The following YTHDF3 variants were observed in gnomAD, a reference collection of about 807,000 sequenced individuals.
YTHDF3 encodes YTH domain-containing family protein 3.
A neutral mutation model predicts 52.5 loss-of-function variants in YTHDF3; 9 were observed. The ratio of observed to expected loss-of-function variants is 0.17; its 90% CI spans 0.10 to 0.30. The LOEUF (loss-of-function observed/expected upper bound fraction) is 0.30. YTHDF3 is among the 10% of genes least tolerant of loss of function. The pLI is 1.00. For missense variants in YTHDF3, 534 were observed against 715.0 expected (o/e 0.75, Z 2.89); for synonymous variants, 274 against 243.3 (o/e 1.13, Z -1.18).
intron 3 of YTHDF3, among the ~76,000 whole-genome samples, chr8:63,184,981 C>T (rs1381539375): frequency 6.6e-6 from 1 of 152,020 alleles, no homozygotes; most frequent in African/African-American, 2.4e-5. Flanking sequence ...ATTAGCTGGG[C>T]ATGGTGGCGG....
At chr8:63,172,838 A>C in intron 2 of YTHDF3, 3 of 1,226,602 alleles carry the variant, frequency 2.4e-6, no homozygotes, top group Non-Finnish European at 3.1e-6. Flanking sequence ...GAAATTTTAC[A>C]GACTATGGAA....
In YTHDF3 at chr8:63,169,006, ACGGTGCCC is replaced by A. The variant is rs1362447523; in HGVS notation, c.24+109_24+116del. ...CGTCGCCGCCGCTGCCGGCCCCATA[ACGGTGCCC>A]CGGGCGCAAGTTGCTGCGGTGTAGC... On this transcript the variant is annotated intron_variant, in intron 1 of 4. Coordinates refer to ENST00000539294, the MANE Select transcript of YTHDF3 (RefSeq NM_152758.6). The A allele has an allele frequency of 2.7e-6, 4 of 1,478,474 alleles. No individual in the cohort carries two copies. In the African/African-American group the frequency reaches 6.0e-5, roughly 22 times the overall value. The allele number at this position is 1,478,474 out of a possible 1,614,324, so 91.6% of individuals were successfully genotyped here.
intron 4 of YTHDF3, among the ~76,000 whole-genome samples, chr8:63,196,010 C>T (rs891650351): frequency 6.6e-6 from 1 of 152,006 alleles, no homozygotes; most frequent in Non-Finnish European, 1.5e-5. Flanking sequence ...CCATGTCGCC[C>T]AGGTTGGTTT....
In YTHDF3 at chr8:63,186,901, C is replaced by T; in HGVS notation, c.890C>T (p.Pro297Leu). The change falls in exon 4 of 5, where the codon CCT becomes CTT. Residue 297 changes from proline to leucine, a missense_variant. By Grantham distance (98) the Pro-to-Leu change is moderately conservative (BLOSUM62 -3). Around this residue, in one of 3 missense-constraint regions of YTHDF3, gnomAD observed 203 missense variants for 201.3 expected, o/e 1.01. Transcript: ENST00000539294. ...CCACCAACCCAACCAGTTCTGCCTC[C>T]TCAAACTATAATCCAGCAGCCTCAG... ...KAPPTQPVLP[P>L]QTIIQQPQPL... 1 of 1,614,024 alleles carries T rather than the reference C, an allele frequency of 6.2e-7. No individual in the cohort carries two copies. The highest frequency in any genetic ancestry group is 8.5e-7 in the Non-Finnish European group (1 of 1,179,904).
chr8:63,169,042 C>G, intron 1 of YTHDF3, 141 bp downstream of exon 1: 1 of 1,438,226 alleles, frequency 7.0e-7, no homozygotes, highest in Non-Finnish European at 9.1e-7. Flanking sequence ...GGTGTAGCTA[C>G]CCGGGCCGGG....
At chr8:63,188,852 T>A (rs992470954) in intron 4 of YTHDF3, 11 of 151,308 alleles carry the variant, frequency 7.3e-5, no homozygotes, top group Admixed American at 6.6e-4. Flanking sequence ...TAGCTGGGAT[T>A]ACAGGCACAC....
At chr8:63,181,226 C>T (rs1349274988) in intron 3 of YTHDF3, among the ~76,000 whole-genome samples, 3 of 152,120 alleles carry the variant, frequency 2.0e-5, no homozygotes, top group Non-Finnish European at 4.4e-5. Context: ...ATTTTCTGCC[C>T]TTGTCATCAC....
rs561259515 is a variant in YTHDF3 at position 63,168,860 on chromosome 8, C to T, written c.-18C>T. 4 of 1,554,404 alleles carry T rather than the reference C, an allele frequency of 2.6e-6. No homozygotes were observed. Among genetic ancestry groups the T allele is most frequent in the African/African-American group, 2.7e-5 (2 of 73,250 alleles). On this transcript the variant is annotated 5_prime_UTR_variant, in exon 1 of 5. Coordinates refer to ENST00000539294, the MANE Select transcript of YTHDF3 (RefSeq NM_152758.6). ...CCAGGCAGCGGCGGCGGCGGCGGCT[C>T]TCGGGTTGCGGTGAAGAATGTCAGC... is the stretch of plus-strand genomic sequence containing the variant.
chr8:63,204,463 G>A (rs757975980), intron 4 of YTHDF3, among the ~76,000 whole-genome samples: 13 of 150,660 alleles, frequency 8.6e-5, no homozygotes, highest in Non-Finnish European at 1.8e-4. Context: ...ATGGGTTCAA[G>A]CGATTTTCCT....
chr8:63,199,840 G>A (rs1809484540), intron 4 of YTHDF3, among the ~76,000 whole-genome samples: 1 of 152,088 alleles, frequency 6.6e-6, no homozygotes, highest in Non-Finnish European at 1.5e-5. Context: ...TACTGTTGAA[G>A]TTAGGGAAAG....
intron 4 of YTHDF3, among the ~76,000 whole-genome samples, chr8:63,203,958 G>A (rs1438614167): frequency 2.6e-5 from 4 of 152,252 alleles, no homozygotes; most frequent in African/African-American, 7.2e-5. Flanking sequence ...TTAAAGTGGT[G>A]TCTGCTAGGT....
At position 63,168,841 on chromosome 8, in the gene YTHDF3, A is replaced by G. The variant is rs1201113189; in HGVS notation, c.-37A>G. 18 of 1,552,938 alleles carry G rather than the reference A, an allele frequency of 1.2e-5. No homozygotes were observed. Among genetic ancestry groups the G allele is most frequent in the Admixed American group, 1.9e-5 (1 of 51,462 alleles). On this transcript the variant is annotated 5_prime_UTR_variant, in exon 1 of 5. Coordinates refer to ENST00000539294, the MANE Select transcript of YTHDF3 (RefSeq NM_152758.6). ...TGAGTGCACGGGGAGAGGCCCAGGCAGCGGCGGCGGCGGCGGCTCTCGGGT... is the reference window on the plus strand; with the variant it reads ...TGAGTGCACGGGGAGAGGCCCAGGCGGCGGCGGCGGCGGCGGCTCTCGGGT...
Position 63,169,375 on chromosome 8 carries a change from C to T in YTHDF3, c.25-12C>T, listed in dbSNP as rs775098142. On this transcript the variant is annotated splice_polypyrimidine_tract_variant and intron_variant, in intron 1 of 4. Transcript: ENST00000539294. ...TTCTCCTCTTTACCGCATCTTTCGT[C>T]TTGCAACACAGAGACCTAAAGGGCA... The T allele has an allele frequency of 1.2e-6, 2 of 1,600,374 alleles. No individual in the cohort carries two copies. Among genetic ancestry groups the T allele is most frequent in the African/African-American group, 1.3e-5 (1 of 74,652 alleles).
intron 3 of YTHDF3, among the ~76,000 whole-genome samples, chr8:63,177,215 A>T (rs1056200357): frequency 7.9e-5 from 12 of 152,224 alleles, no homozygotes; most frequent in Non-Finnish European, 1.6e-4. Context: ...AAATTTGAAC[A>T]AAAAGTAGTT....
chr8:63,180,964 G>A (rs1189020730), intron 3 of YTHDF3, among the ~76,000 whole-genome samples: 2 of 152,230 alleles, frequency 1.3e-5, no homozygotes, highest in Non-Finnish European at 2.9e-5. Flanking sequence ...GGAGACCGTG[G>A]AAAGAGGGAG....
At chr8:63,209,163 C>T (rs180901619) in intron 4 of YTHDF3, among the ~76,000 whole-genome samples, 58 of 152,278 alleles carry the variant, frequency 3.8e-4, no homozygotes, top group African/African-American at 1.3e-3. Context: ...CCACTGCGCC[C>T]GGCCTCATGT....
chr8:63,177,032 A>T (rs1166673712), intron 3 of YTHDF3, among the ~76,000 whole-genome samples: 1 of 152,194 alleles, frequency 6.6e-6, no homozygotes, highest in Non-Finnish European at 1.5e-5. Context: ...TTGTGTGTGT[A>T]AATTTGAAGA....
At chr8:63,169,187 G>A (rs1247082976) in intron 1 of YTHDF3, 200 bp from the exon 2 acceptor site, 4 of 1,378,908 alleles carry the variant, frequency 2.9e-6, no homozygotes, top group Non-Finnish European at 3.9e-6. Flanking sequence ...GCGAGCTCTG[G>A]GAGACGGATT....
At position 63,187,738 on chromosome 8, in the gene YTHDF3, T is replaced by C. The variant is rs1440659752; in HGVS notation, c.1727T>C (p.Met576Thr). ...AAGCGTCAAGAAGAGGAGGAAGCCA[T>C]GCGTAGGGTAAGAATATAGTAATTT... is the stretch of plus-strand genomic sequence containing the variant. ...YEKRQEEEEAMRRERNRNKQ is the reference protein window; with the variant it reads ...YEKRQEEEEATRRERNRNKQ The change falls in exon 4 of 5, where the codon ATG becomes ACG. Residue 576 changes from methionine to threonine, a missense_variant. Coordinates refer to ENST00000539294, the MANE Select transcript of YTHDF3 (RefSeq NM_152758.6). 13 of 1,603,848 alleles carry C rather than the reference T, an allele frequency of 8.1e-6. No homozygotes were observed. The highest frequency in any genetic ancestry group is 2.7e-5 in the African/African-American group (2 of 74,426).
Sources: allele counts gnomAD v4.1 joint callset (sites outside exome capture counted in the v4.1 genomes callset), GRCh38; gene constraint gnomAD v4.1.1; regional missense constraint gnomAD v4.1.1; transcripts MANE v1.5; gene names NCBI Gene and HGNC (gene_info 2026-07-23, HGNC 2026-07-21).